Variants in C12orf42 observed in about 807,000 individuals in gnomAD.
C12orf42 encodes the protein uncharacterized protein C12orf42.
Under a neutral mutation model 21.6 loss-of-function variants are expected in C12orf42, and 25 were observed. That is an observed-to-expected ratio of 1.16 (90% CI 0.84 to 1.62). C12orf42 has a LOEUF of 1.62. Among genes scored for constraint, C12orf42 ranks in the 40% most tolerant of loss-of-function variants. C12orf42 has a pLI of 0.00. For synonymous variants in C12orf42, 174 were observed against 175.0 expected (o/e 0.99, Z 0.05); for missense variants, 483 against 459.3 (o/e 1.05, Z -0.47).
intron 4 of C12orf42, among the ~76,000 whole-genome samples, chr12:103,284,033 A>C (rs1045912890): frequency 6.6e-6 from 1 of 152,186 alleles, no homozygotes; most frequent in Non-Finnish European, 1.5e-5. Context: ...TGGGATGATA[A>C]AAAATTTTGA....
the C12orf42 span, among the ~76,000 whole-genome samples, chr12:103,124,912 G>T: frequency 6.6e-6 from 1 of 152,164 alleles, no homozygotes; most frequent in East Asian, 1.9e-4. Context: ...AGAGTATGCA[G>T]TTGATCCTTT....
chr12:103,090,100 C>A, the C12orf42 span, among the ~76,000 whole-genome samples: 1 of 152,024 alleles, frequency 6.6e-6, no homozygotes, highest in African/African-American at 2.4e-5. Context: ...TAGCTATCAA[C>A]AATTAAATTT....
the C12orf42 span, among the ~76,000 whole-genome samples, chr12:103,215,282 A>G: frequency 3.9e-5 from 6 of 151,970 alleles, no homozygotes; most frequent in Non-Finnish European, 8.8e-5. Flanking sequence ...ACCAATACTA[A>G]TGCAAATATA....
At chr12:103,536,914 C>G in the C12orf42 span, among the ~76,000 whole-genome samples, 3 of 152,060 alleles carry the variant, frequency 2.0e-5, no homozygotes, top group Non-Finnish European at 4.4e-5. Flanking sequence ...GTGTTTATTA[C>G]TGTCTAACAT....
At chr12:103,323,952 G>A (rs189398883) in intron 4 of C12orf42, among the ~76,000 whole-genome samples, 238 of 152,256 alleles carry the variant, frequency 1.6e-3, no homozygotes, top group African/African-American at 5.3e-3. Flanking sequence ...AGTATATTGA[G>A]ATGTATTTTA....
chr12:103,170,692 C>T, the C12orf42 span, among the ~76,000 whole-genome samples: 2 of 152,132 alleles, frequency 1.3e-5, no homozygotes, highest in Admixed American at 1.3e-4. Flanking sequence ...TGCCATCTCT[C>T]TCTCTTCTCC....
intron 2 of C12orf42, among the ~76,000 whole-genome samples, chr12:103,472,689 C>T (rs975077326): frequency 4.6e-5 from 7 of 151,994 alleles, no homozygotes; most frequent in Non-Finnish European, 8.8e-5. Flanking sequence ...GAGAGTAGAA[C>T]TAAAAGTGCA....
At chr12:103,182,920 C>G in the C12orf42 span, among the ~76,000 whole-genome samples, 1 of 152,166 alleles carries the variant, frequency 6.6e-6, no homozygotes, top group Admixed American at 6.5e-5. Context: ...GCATTTAGTT[C>G]TATTTAATTT....
chr12:103,172,662 C>T, the C12orf42 span, among the ~76,000 whole-genome samples: 7 of 152,104 alleles, frequency 4.6e-5, no homozygotes, highest in African/African-American at 1.7e-4. Context: ...CCTCTGCTGA[C>T]ATCACTGTAT....
the C12orf42 span, among the ~76,000 whole-genome samples, chr12:103,192,521 A>G: frequency 6.6e-6 from 1 of 151,588 alleles, no homozygotes; most frequent in Non-Finnish European, 1.5e-5. Context: ...AAAAAAAAGA[A>G]TACACATAGG....
chr12:103,121,723 T>C, the C12orf42 span, among the ~76,000 whole-genome samples: 1 of 152,192 alleles, frequency 6.6e-6, no homozygotes, highest in Non-Finnish European at 1.5e-5. Flanking sequence ...TGTTCAACAA[T>C]TGCTACTCCC....
chr12:103,375,727 T>C (rs188498175), intron 3 of C12orf42, among the ~76,000 whole-genome samples: 1 of 152,318 alleles, frequency 6.6e-6, no homozygotes, highest in Admixed American at 6.5e-5. Context: ...TATATTTTAG[T>C]ATTATTAACT....
chr12:103,328,052 T>A (rs760076154), intron 4 of C12orf42, among the ~76,000 whole-genome samples: 14 of 152,178 alleles, frequency 9.2e-5, no homozygotes, highest in African/African-American at 1.2e-4. Context: ...CTCAGCACTA[T>A]TTTTTTCAGG....
At chr12:103,271,881 C>T (rs572271276) in intron 5 of C12orf42, among the ~76,000 whole-genome samples, 1 of 152,316 alleles carries the variant, frequency 6.6e-6, no homozygotes, top group Non-Finnish European at 1.5e-5. Context: ...ATTAGCTGCA[C>T]TCTACTATGA....
chr12:103,486,506 T>TATTG (rs2138133458), intron 1 of C12orf42, among the ~76,000 whole-genome samples: 1 of 152,352 alleles, frequency 6.6e-6, no homozygotes, highest in South Asian at 2.1e-4. Flanking sequence ...CCTCTTTTTC[T>TATTG]ATTGATTGGA....
chr12:103,350,100 A>G (rs905692313), intron 4 of C12orf42, among the ~76,000 whole-genome samples: 3 of 152,202 alleles, frequency 2.0e-5, no homozygotes, highest in Admixed American at 6.6e-5. Flanking sequence ...GACCAAATTT[A>G]GGAAGTTTCC....
chr12:103,217,353 CA>C, the C12orf42 span, among the ~76,000 whole-genome samples: 18 of 151,798 alleles, frequency 1.2e-4, no homozygotes, highest in Admixed American at 3.9e-4. Flanking sequence ...CCTGTCTTTA[CA>C]AAAAAACACA....
the C12orf42 span, among the ~76,000 whole-genome samples, chr12:103,174,891 A>C: frequency 1.3e-5 from 2 of 152,280 alleles, no homozygotes; most frequent in South Asian, 4.1e-4. Context: ...TATAATGTAC[A>C]TATGGTTTTT....
intron 2 of C12orf42, among the ~76,000 whole-genome samples, chr12:103,424,304 T>C (rs981129524): frequency 9.8e-5 from 15 of 152,366 alleles, no homozygotes; most frequent in Non-Finnish European, 2.1e-4. Context: ...CTACTTCCTT[T>C]TGTCTTCATT....
Sources: allele counts gnomAD v4.1 joint callset (sites outside exome capture counted in the v4.1 genomes callset), GRCh38; gene constraint gnomAD v4.1.1; transcripts MANE v1.5; gene names NCBI Gene and HGNC (gene_info 2026-07-23, HGNC 2026-07-21).